DOCK9: variants seen among roughly 807,000 people sequenced by gnomAD.
DOCK9 encodes the protein dedicator of cytokinesis protein 9.
Under a neutral mutation model 263.3 loss-of-function variants are expected in DOCK9, and 89 were observed. That is an observed-to-expected ratio of 0.34 (90% CI 0.28 to 0.40). The LOEUF is 0.40. DOCK9 is among the 10% of genes least tolerant of loss of function. DOCK9 has a pLI of 1.00. For missense variants in DOCK9, 2,140 were observed against 2,603.4 expected (o/e 0.82, Z 3.87); for synonymous variants, 976 against 973.1 (o/e 1.00, Z -0.06).
chr13:98,974,446 T>G (rs1200654344), intron 1 of DOCK9, among the ~76,000 whole-genome samples: 1 of 152,016 alleles, frequency 6.6e-6, no homozygotes, highest in Non-Finnish European at 1.5e-5. Context: ...AAACACATAT[T>G]CTCTTGGAAA....
chr13:98,870,163 A>C (rs2094149965), intron 27 of DOCK9, among the ~76,000 whole-genome samples: 1 of 152,270 alleles, frequency 6.6e-6, no homozygotes, highest in Non-Finnish European at 1.5e-5. Flanking sequence ...ACATGACAGC[A>C]GGCATTATAT....
At chr13:98,884,891 TTG>T in intron 21 of DOCK9, 78 bp downstream of exon 21, 1 of 1,459,148 alleles carries the variant, frequency 6.9e-7, no homozygotes, top group Non-Finnish European at 9.3e-7. Context: ...TGTTTGCTTT[TTG>T]TGTGTTATTG....
intron 1 of DOCK9, among the ~76,000 whole-genome samples, chr13:98,990,302 T>A (rs1365435505): frequency 6.6e-6 from 1 of 152,234 alleles, no homozygotes; most frequent in African/African-American, 2.4e-5. Context: ...ACAGACTTAA[T>A]GTACTATTAT....
At chr13:98,846,950 C>T (rs2093412131) in intron 37 of DOCK9, 1 of 198,156 alleles carries the variant, frequency 5.0e-6, no homozygotes, top group Admixed American at 5.3e-5. Flanking sequence ...AGCAAAGTCA[C>T]ATCATCTCCA....
chr13:98,876,802 AG>A (rs36087658), intron 27 of DOCK9, among the ~76,000 whole-genome samples: 26,059 of 152,184 alleles, frequency 0.17, 3,119 homozygotes, highest in East Asian at 0.43. Context: ...CTGCAGGGCC[AG>A]GGAAGCAGAA....
chr13:99,011,863 C>T, intron 1 of DOCK9, among the ~76,000 whole-genome samples: 1 of 152,210 alleles, frequency 6.6e-6, no homozygotes. Context: ...CTTCTGTCAA[C>T]AGAGCTTGAG....
chr13:99,035,619 C>T (rs1050601720), intron 1 of DOCK9, among the ~76,000 whole-genome samples: 1 of 152,128 alleles, frequency 6.6e-6, no homozygotes, highest in Non-Finnish European at 1.5e-5. Context: ...AGCCTGGGAC[C>T]CCAAAATGGT....
chr13:98,876,689 A>G (rs144046684), intron 27 of DOCK9, among the ~76,000 whole-genome samples: 88 of 152,326 alleles, frequency 5.8e-4, no homozygotes, highest in African/African-American at 2.0e-3. Context: ...CAGAAAACTC[A>G]TTACTCTTAA....
At chr13:99,027,221 T>C (rs1886843621) in intron 1 of DOCK9, among the ~76,000 whole-genome samples, 1 of 152,112 alleles carries the variant, frequency 6.6e-6, no homozygotes, top group Admixed American at 6.5e-5. Flanking sequence ...GAGGTCACCA[T>C]ATTGGCCAGG....
At chr13:98,956,858 T>A (rs1201497720) in intron 1 of DOCK9, among the ~76,000 whole-genome samples, 1 of 152,246 alleles carries the variant, frequency 6.6e-6, no homozygotes, top group Non-Finnish European at 1.5e-5. Flanking sequence ...GCTTTATATA[T>A]TAAAATGACA....
intron 9 of DOCK9, among the ~76,000 whole-genome samples, chr13:98,907,668 C>A (rs1168926695): frequency 6.6e-6 from 1 of 152,110 alleles, no homozygotes; most frequent in Non-Finnish European, 1.5e-5. Flanking sequence ...TATTGCTCTG[C>A]TACAAGATAA....
chr13:99,004,820 C>CACACAG (rs71215503), intron 1 of DOCK9, among the ~76,000 whole-genome samples: 1 of 148,784 alleles, frequency 6.7e-6, no homozygotes, highest in African/African-American at 2.5e-5. Context: ...CACACACACA[C>CACACAG]AGTCACATGT....
intron 1 of DOCK9, among the ~76,000 whole-genome samples, chr13:99,081,852 A>G (rs1322020926): frequency 6.6e-6 from 1 of 152,206 alleles, no homozygotes; most frequent in Admixed American, 6.5e-5. Context: ...TAATTCTGAA[A>G]TTGTGAGGAT....
At chr13:98,927,479 T>A (rs2053162302) in intron 3 of DOCK9, among the ~76,000 whole-genome samples, 3 of 152,212 alleles carry the variant, frequency 2.0e-5, no homozygotes, top group African/African-American at 7.2e-5. Context: ...GCTCTAGAAC[T>A]GAAATTGTAC....
intron 1 of DOCK9, among the ~76,000 whole-genome samples, chr13:98,972,667 C>T (rs766973934): frequency 3.3e-5 from 5 of 152,196 alleles, no homozygotes; most frequent in Admixed American, 2.0e-4. Flanking sequence ...GTTCGGCCTG[C>T]GCCTTCTGCA....
At chr13:98,930,495 C>T (rs1044337743) in intron 2 of DOCK9, among the ~76,000 whole-genome samples, 4 of 152,208 alleles carry the variant, frequency 2.6e-5, no homozygotes, top group African/African-American at 9.7e-5. Context: ...GCCCACAGAT[C>T]CCTCCAGCTC....
rs1159761064 is a variant in DOCK9 at position 98,955,509 on chromosome 13, T to G, written c.169A>C (p.Ile57Leu). The G allele has an allele frequency of 6.3e-7, 1 of 1,599,262 alleles. No individual in the cohort carries two copies. Among genetic ancestry groups the G allele is most frequent in the Admixed American group, 1.7e-5 (1 of 58,392 alleles). The change falls in exon 2 of 53, where the codon ATC (isoleucine) becomes CTC (leucine). Residue 57 changes from isoleucine (I) to leucine (L), a missense_variant. Around this residue, in one of 2 missense-constraint regions of DOCK9, gnomAD observed 1,521 missense variants for 1,741.7 expected, o/e 0.87. Transcript: ENST00000682017. Reference protein sequence around the residue: ...LIEPLDYENVIVQKKTQILND... With the variant: ...LIEPLDYENVLVQKKTQILND... Reference sequence around the variant, plus strand: ...AGGATCTGAGTCTTCTTCTGGACGATGACATTTTCATAGTCGAGTGGCTCA... The same window carrying G: ...AGGATCTGAGTCTTCTTCTGGACGAGGACATTTTCATAGTCGAGTGGCTCA...
intron 2 of DOCK9, among the ~76,000 whole-genome samples, chr13:98,940,705 C>CT (rs11369096): frequency 0.63 from 95,674 of 151,878 alleles, 31,017 homozygotes; most frequent in Admixed American, 0.76. Flanking sequence ...AACTGCTCCT[C>CT]TTCACTGGCA....
rs747771377 is a variant in DOCK9 at position 98,903,074 on chromosome 13, T to C, written c.1074A>G (p.Ser358=). ...DFSSAEPEVK[S]FEEKFGKRIL... ...TCCTTTTTCCAAACTTCTCTTCAAATGACTTCACTTCTGGCTCAGCTGATG... is the reference window on the plus strand; with the variant it reads ...TCCTTTTTCCAAACTTCTCTTCAAACGACTTCACTTCTGGCTCAGCTGATG... Residue 358 remains serine, a synonymous_variant, in exon 11 of 53, where the codon TCA becomes TCG. Transcript: ENST00000682017. 215 of 1,534,414 alleles carry C rather than the reference T, an allele frequency of 1.4e-4. No homozygotes were observed. Among genetic ancestry groups the C allele is most frequent in the Non-Finnish European group, 1.8e-4 (210 of 1,141,256 alleles).
Sources: allele counts gnomAD v4.1 joint callset (sites outside exome capture counted in the v4.1 genomes callset), GRCh38; gene constraint gnomAD v4.1.1; regional missense constraint gnomAD v4.1.1; transcripts MANE v1.5; gene names NCBI Gene and HGNC (gene_info 2026-07-23, HGNC 2026-07-21).